Variants in CHRM3 observed in about 807,000 individuals in gnomAD.
CHRM3 encodes the protein cholinergic receptor muscarinic 3, also known as muscarinic acetylcholine receptor M3.
A neutral mutation model predicts 41.8 loss-of-function variants in CHRM3; 11 were observed. The observed-to-expected ratio is 0.26, with a 90% confidence interval of 0.17 to 0.44. The LOEUF is 0.44. Ranked by LOEUF, CHRM3 falls within the 20% of genes least tolerant of loss-of-function variation. The pLI is 1.00. For synonymous variants in CHRM3, 297 were observed against 301.4 expected (o/e 0.99, Z 0.15); for missense variants, 571 against 745.4 (o/e 0.77, Z 2.72).
chr1:239,565,145 C>A (rs1223231328), intron 3 of CHRM3, among the ~76,000 whole-genome samples: 5 of 152,176 alleles, frequency 3.3e-5, no homozygotes, highest in Non-Finnish European at 5.9e-5. Context: ...TCAGGGACCA[C>A]TTGGATAATT....
intron 1 of CHRM3, among the ~76,000 whole-genome samples, chr1:239,393,848 A>G (rs1021127812): frequency 6.6e-6 from 1 of 152,220 alleles, no homozygotes; most frequent in African/African-American, 2.4e-5. Context: ...TACCTTCATG[A>G]GAGTATATAA....
At chr1:239,582,050 A>C (rs1662952794) in intron 3 of CHRM3, among the ~76,000 whole-genome samples, 1 of 152,192 alleles carries the variant, frequency 6.6e-6, no homozygotes, top group Non-Finnish European at 1.5e-5. Context: ...AATACATGCA[A>C]TTTAAAATAA....
chr1:239,432,079 T>A (rs1293553853), intron 1 of CHRM3, among the ~76,000 whole-genome samples: 1 of 152,118 alleles, frequency 6.6e-6, no homozygotes, highest in Non-Finnish European at 1.5e-5. Flanking sequence ...GAAGTCTCGA[T>A]GGATCACGCC....
rs1434529951 is a variant in CHRM3, at chr1:239,387,858, C to A, written c.-521+631C>A. On this transcript the variant is annotated intron_variant, in intron 1 of 6. Coordinates refer to ENST00000676153, the MANE Select transcript of CHRM3 (RefSeq NM_001375978.1). The surrounding 1 kb of genome is among the most constrained non-coding windows in gnomAD (Gnocchi z 5.1). ...CTAGCCTAGTGCGCATCTTTACTGACCCGGGGAGAGTCTGCACTCGCGAGG... is the reference window on the plus strand; with the variant it reads ...CTAGCCTAGTGCGCATCTTTACTGAACCGGGGAGAGTCTGCACTCGCGAGG... 6.6e-6 allele frequency among the ~76,000 whole-genome samples: 1 copy of A among 152,182 alleles called. No individual in the cohort carries two copies. The highest frequency in any genetic ancestry group is 1.5e-5 in the Non-Finnish European group (1 of 68,048).
chr1:239,437,045 C>T (rs1053577286), intron 1 of CHRM3, among the ~76,000 whole-genome samples: 3 of 152,156 alleles, frequency 2.0e-5, no homozygotes, highest in Non-Finnish European at 4.4e-5. Flanking sequence ...AATGACGCTA[C>T]ACTGTTTATA....
At chr1:239,451,319 A>T (rs2103322125) in intron 1 of CHRM3, among the ~76,000 whole-genome samples, 1 of 152,388 alleles carries the variant, frequency 6.6e-6, no homozygotes, top group African/African-American at 2.4e-5. Flanking sequence ...CTGTGGAATT[A>T]AACTTTTAAA....
chr1:239,524,104 T>C (rs1669835187), intron 2 of CHRM3, among the ~76,000 whole-genome samples: 1 of 152,202 alleles, frequency 6.6e-6, no homozygotes, highest in African/African-American at 2.4e-5. Flanking sequence ...ATCCCACCTT[T>C]GTAACACTTT....
rs11392794 is a variant in CHRM3, at chr1:239,911,547, TA to T, written c.*2335del. The T allele has an allele frequency of 5.1e-3, 797 of 155,464 alleles. No homozygotes were observed. Among genetic ancestry groups the T allele is most frequent in the Middle Eastern group, 3.5e-3 (1 of 288 alleles). The allele number at this position is 155,464 out of a possible 1,614,324, so 9.6% of individuals were successfully genotyped here. A position where few individuals can be genotyped will look rare whatever the true frequency, so the allele number is the denominator to read the frequency against. On this transcript the variant is annotated 3_prime_UTR_variant, in exon 7 of 7. Coordinates refer to ENST00000676153, the MANE Select transcript of CHRM3 (RefSeq NM_001375978.1). ...CTCCCAAAAGGGCTGTTTCTTTTAT[TA>T]AAAAAAAAAAAGAAATAGAATTAAA...
intron 5 of CHRM3, among the ~76,000 whole-genome samples, chr1:239,806,190 A>G (rs1670627384): frequency 6.6e-6 from 1 of 152,156 alleles, no homozygotes; most frequent in African/African-American, 2.4e-5. Flanking sequence ...CCCAGCTTTG[A>G]ACAACAACTG....
At position 239,913,384 on chromosome 1, in the gene CHRM3, ACCT is replaced by A. The variant is rs1357493922; in HGVS notation, c.*4165_*4167del. ...TAACCTAAAGAACCCTACTTCTAGC[ACCT>A]CCTCTGAAAGAATATTTTGCTCCAA... On this transcript the variant is annotated 3_prime_UTR_variant, in exon 7 of 7. Coordinates refer to ENST00000676153, the MANE Select transcript of CHRM3 (RefSeq NM_001375978.1). 6.0e-6 allele frequency: 1 copy of A among 167,002 alleles called. No homozygotes were observed. The highest frequency in any genetic ancestry group is 2.4e-5 in the African/African-American group (1 of 41,422). 10.3% of individuals were successfully genotyped at this position (167,002 alleles called of 1,614,324 possible). A position where few individuals can be genotyped will look rare whatever the true frequency, so the allele number is the denominator to read the frequency against.
chr1:239,489,571 T>A (rs1350160676), intron 1 of CHRM3, among the ~76,000 whole-genome samples: 2 of 152,208 alleles, frequency 1.3e-5, no homozygotes, highest in African/African-American at 2.4e-5. Flanking sequence ...AGGAACAGGA[T>A]AGCTTTTGCC....
intron 3 of CHRM3, among the ~76,000 whole-genome samples, chr1:239,601,547 G>GA (rs1231341150): frequency 3.5e-4 from 51 of 144,810 alleles, no homozygotes; most frequent in South Asian, 1.3e-3. Context: ...AGACCCATTA[G>GA]AAAAAAAAAA....
At chr1:239,702,210 C>T (rs1660749264) in intron 5 of CHRM3, among the ~76,000 whole-genome samples, 1 of 152,132 alleles carries the variant, frequency 6.6e-6, no homozygotes, top group African/African-American at 2.4e-5. Flanking sequence ...AAATTCGTCA[C>T]TGATCTTGGA....
chr1:239,582,456 A>G (rs1407065811), intron 3 of CHRM3, among the ~76,000 whole-genome samples: 3 of 151,994 alleles, frequency 2.0e-5, no homozygotes, highest in Non-Finnish European at 2.9e-5. Flanking sequence ...ACAAGACCCA[A>G]TTTCCCTGAG....
At chr1:239,692,906 CTGTT>C (rs777726843) in intron 5 of CHRM3, among the ~76,000 whole-genome samples, 1 of 152,092 alleles carries the variant, frequency 6.6e-6, no homozygotes, top group Non-Finnish European at 1.5e-5. Flanking sequence ...ATTTTTTCAT[CTGTT>C]TGTTTTGGCT....
At chr1:239,806,094 A>G (rs1358249170) in intron 5 of CHRM3, among the ~76,000 whole-genome samples, 1 of 151,910 alleles carries the variant, frequency 6.6e-6, no homozygotes, top group Admixed American at 6.6e-5. Flanking sequence ...CCCTGACTCC[A>G]CTCCTGGCTG....
chr1:239,563,165 T>C (rs1661041574), intron 3 of CHRM3, among the ~76,000 whole-genome samples: 1 of 150,096 alleles, frequency 6.7e-6, no homozygotes, highest in African/African-American at 2.4e-5. Context: ...AAGAACAATG[T>C]TTTCTTTATT....
At chr1:239,536,436 A>G (rs1417335474) in intron 2 of CHRM3, among the ~76,000 whole-genome samples, 6 of 152,196 alleles carry the variant, frequency 3.9e-5, no homozygotes, top group Admixed American at 3.3e-4. Context: ...CTCTGTCTTG[A>G]CATTAAAGGA....
At chr1:239,609,903 G>T (rs917945278) in intron 3 of CHRM3, among the ~76,000 whole-genome samples, 2 of 152,006 alleles carry the variant, frequency 1.3e-5, no homozygotes, top group Non-Finnish European at 2.9e-5. Flanking sequence ...TATGTTAAAA[G>T]TACTATAGGC....
Sources: allele counts gnomAD v4.1 joint callset (sites outside exome capture counted in the v4.1 genomes callset), GRCh38; gene constraint gnomAD v4.1.1; non-coding constraint Gnocchi (gnomAD v3.1); transcripts MANE v1.5; gene names NCBI Gene and HGNC (gene_info 2026-07-23, HGNC 2026-07-21).